The following TMTC2 variants were observed in gnomAD, a reference collection of about 807,000 sequenced individuals.
The protein encoded by TMTC2 is transmembrane O-mannosyltransferase targeting cadherins 2, also known as protein O-mannosyl-transferase TMTC2.
Under a neutral mutation model 82.4 loss-of-function variants are expected in TMTC2, and 43 were observed. That is an observed-to-expected ratio of 0.52 (90% CI 0.41 to 0.67). The LOEUF is 0.67. Among genes scored for constraint, TMTC2 ranks in the 30% least tolerant of loss-of-function variants. TMTC2 has a pLI of 0.00. For missense variants in TMTC2, 919 were observed against 1,012.4 expected, an observed-to-expected ratio of 0.91 and a Z score of 1.25; for synonymous variants, 408 against 381.9, an observed-to-expected ratio of 1.07 and a Z score of -0.80.
intron 10 of TMTC2, among the ~76,000 whole-genome samples, chr12:83,053,642 C>A (rs1234563254): frequency 2.0e-5 from 3 of 151,994 alleles, no homozygotes; most frequent in African/African-American, 4.8e-5. Flanking sequence ...CTTACTGGGA[C>A]CTTCAAGAGG....
At chr12:82,787,612 G>A (rs1199324954) in intron 1 of TMTC2, among the ~76,000 whole-genome samples, 1 of 151,998 alleles carries the variant, frequency 6.6e-6, no homozygotes. Context: ...ACAGATATTA[G>A]GAATTAAATG....
chr12:82,965,767 C>T, intron 6 of TMTC2, 23 bp downstream of exon 6: 1 of 1,612,550 alleles, frequency 6.2e-7, no homozygotes, highest in Non-Finnish European at 8.5e-7. Flanking sequence ...CCTCTCTGTC[C>T]TTTTCCCTCC....
intron 1 of TMTC2, among the ~76,000 whole-genome samples, chr12:82,771,769 T>C (rs1173338287): frequency 6.6e-6 from 1 of 152,100 alleles, no homozygotes; most frequent in African/African-American, 2.4e-5. Context: ...ATTTAACTTA[T>C]ATGAATTTAA....
chr12:83,110,660 T>A (rs1177042709), intron 11 of TMTC2, among the ~76,000 whole-genome samples: 1 of 152,214 alleles, frequency 6.6e-6, no homozygotes, highest in Non-Finnish European at 1.5e-5. Flanking sequence ...TGGAAACAGT[T>A]TTTTCCCTTA....
At chr12:82,867,026 A>T (rs1449354474) in intron 2 of TMTC2, among the ~76,000 whole-genome samples, 1 of 152,184 alleles carries the variant, frequency 6.6e-6, no homozygotes. Context: ...TTCAAAAAGG[A>T]TAATAAGAAA....
intron 4 of TMTC2, among the ~76,000 whole-genome samples, chr12:82,934,681 A>C (rs1354956426): frequency 2.0e-5 from 3 of 152,198 alleles, no homozygotes; most frequent in African/African-American, 7.2e-5. Context: ...CACTGCTGCA[A>C]TAAACGTATT....
chr12:82,962,713 C>T (rs1324581628), intron 4 of TMTC2, among the ~76,000 whole-genome samples: 1 of 151,836 alleles, frequency 6.6e-6, no homozygotes, highest in Non-Finnish European at 1.5e-5. Context: ...ATCTGGATGT[C>T]AGGAGGGAGA....
At chr12:83,094,645 A>G (rs959700535) in intron 11 of TMTC2, among the ~76,000 whole-genome samples, 1 of 152,220 alleles carries the variant, frequency 6.6e-6, no homozygotes, top group African/African-American at 2.4e-5. Flanking sequence ...CTAGGGCAGT[A>G]GTAAGTACAG....
At chr12:83,100,986 T>C (rs1192120724) in intron 11 of TMTC2, among the ~76,000 whole-genome samples, 2 of 152,224 alleles carry the variant, frequency 1.3e-5, no homozygotes, top group Non-Finnish European at 2.9e-5. Context: ...TTTATGGTCT[T>C]TGTTTTCCTC....
chr12:82,967,072 A>C, intron 7 of TMTC2, 75 bp downstream of exon 7: 1 of 1,140,014 alleles, frequency 8.8e-7, no homozygotes, highest in Non-Finnish European at 1.3e-6. Context: ...GTTCGTGTTT[A>C]ATGGAATTCT....
intron 1 of TMTC2, among the ~76,000 whole-genome samples, chr12:82,798,233 G>T (rs1300987612): frequency 2.0e-5 from 3 of 149,376 alleles, no homozygotes; most frequent in Non-Finnish European, 4.5e-5. Flanking sequence ...GGGATTACAG[G>T]CGTGAGCCAC....
intron 1 of TMTC2, among the ~76,000 whole-genome samples, chr12:82,766,306 T>C (rs1876959863): frequency 1.3e-5 from 2 of 152,200 alleles, no homozygotes; most frequent in African/African-American, 4.8e-5. Context: ...ACTACATTCT[T>C]CCATTCCTAG....
intron 9 of TMTC2, among the ~76,000 whole-genome samples, chr12:83,036,989 C>T (rs1881689427): frequency 6.6e-6 from 1 of 152,148 alleles, no homozygotes; most frequent in Non-Finnish European, 1.5e-5. Flanking sequence ...GAACTCACTA[C>T]CACTATAAGG....
At chr12:82,706,346 TGA>T (rs1873356905) in intron 1 of TMTC2, among the ~76,000 whole-genome samples, 1 of 129,576 alleles carries the variant, frequency 7.7e-6, no homozygotes, top group Non-Finnish European at 1.6e-5. Context: ...AAAAAAAGGA[TGA>T]GAGAGAGGAA....
chr12:82,751,553 TAAAATA>T lies in TMTC2; in HGVS notation c.83+63888_83+63893del, dbSNP rs879404149. On this transcript the variant is annotated intron_variant, in intron 1 of 11. Transcript: ENST00000321196. ...AAAGTATAATAATAATAAAATAAAA[TAAAATA>T]AAATATATAAAGTTATTTTGGAAAC... 9.7e-4 allele frequency among the ~76,000 whole-genome samples: 148 copies of T among 151,940 alleles called. 1 individual carries two copies. Among genetic ancestry groups the T allele is most frequent in the Non-Finnish European group, 1.3e-3 (86 of 67,950 alleles).
At chr12:82,735,459 T>C (rs377448332) in intron 1 of TMTC2, among the ~76,000 whole-genome samples, 224 of 151,666 alleles carry the variant, frequency 1.5e-3, no homozygotes, top group African/African-American at 3.2e-3. Flanking sequence ...CATTCTCCTG[T>C]CTCAGCCTCC....
At chr12:82,935,791 A>G (rs989241960) in intron 4 of TMTC2, among the ~76,000 whole-genome samples, 1 of 152,158 alleles carries the variant, frequency 6.6e-6, no homozygotes, top group African/African-American at 2.4e-5. Flanking sequence ...TGTTGATGAT[A>G]GAGATTTTGC....
Position 83,109,541 on chromosome 12 carries a change from G to A in TMTC2, c.2332-22669G>A, listed in dbSNP as rs138428431. Among the ~76,000 whole-genome samples, 68 of 152,268 alleles carry A rather than the reference G, an allele frequency of 4.5e-4. 2 individuals are homozygous for A. The highest frequency in any genetic ancestry group is 1.6e-3 in the African/African-American group (66 of 41,544). On this transcript the variant is annotated intron_variant, in intron 11 of 11. Transcript: ENST00000321196. The stretch of plus-strand genomic sequence containing the variant: ...AGGTTTTCTCTTCTGCAACACCTCT[G>A]TGGTCTCATTTCAAACATCCCTTCC...
intron 11 of TMTC2, among the ~76,000 whole-genome samples, chr12:83,108,276 A>T (rs977540969): frequency 5.6e-4 from 85 of 152,276 alleles, no homozygotes; most frequent in African/African-American, 1.9e-3. Context: ...TTTATATATT[A>T]ATTTTTTATT....
Sources: gnomAD v4.1 joint callset for allele counts (sites outside exome capture counted in the v4.1 genomes callset) on GRCh38, gnomAD v4.1.1 for gene constraint, MANE v1.5 for transcripts, NCBI Gene and HGNC (gene_info 2026-07-23, HGNC 2026-07-21) for gene names.